The following TUBGCP5 variants were observed in gnomAD, a reference collection of about 807,000 sequenced individuals.
TUBGCP5 encodes the protein gamma-tubulin complex component 5.
In TUBGCP5, 98 loss-of-function variants were observed where a neutral mutation model predicts 134.7. The ratio of observed to expected loss-of-function variants is 0.73; its 90% CI spans 0.62 to 0.86. The LOEUF is 0.86. TUBGCP5 is among the 40% of genes least tolerant of loss of function. The pLI is 0.00. For synonymous variants in TUBGCP5, 456 were observed against 431.4 expected (o/e 1.06, Z -0.71); for missense variants, 1,150 against 1,244.8 (o/e 0.92, Z 1.15).
intron 23 of TUBGCP5, among the ~76,000 whole-genome samples, chr15:22,994,032 A>T (rs1270131955): frequency 6.6e-6 from 1 of 151,814 alleles, no homozygotes; most frequent in African/African-American, 2.4e-5. Flanking sequence ...GTGACACTAA[A>T]GGCTCTGTGA....
At chr15:23,004,061 C>A in intron 20 of TUBGCP5, 41 bp downstream of exon 20, 1 of 1,560,062 alleles carries the variant, frequency 6.4e-7, no homozygotes, top group East Asian at 2.3e-5. Flanking sequence ...CAGCGCCACT[C>A]GCCCAGCAGT....
chr15:23,006,178 A>G lies in TUBGCP5; in HGVS notation c.2413-6T>C, dbSNP rs767557035. The G allele has an allele frequency of 6.2e-7, 1 of 1,608,112 alleles. No individual in the cohort carries two copies. Among genetic ancestry groups the G allele is most frequent in the Non-Finnish European group, 8.5e-7 (1 of 1,178,864 alleles). On this transcript the variant is annotated splice_polypyrimidine_tract_variant and splice_region_variant and intron_variant, in intron 17 of 22. Coordinates refer to ENST00000615383, the MANE Select transcript of TUBGCP5 (RefSeq NM_052903.6). ...ATGTCCACGGGCCATGGGACCTATG[A>G]AACAAAAACAAAATTAGAAAGTAAC... is the stretch of plus-strand genomic sequence containing the variant.
intron 8 of TUBGCP5, among the ~76,000 whole-genome samples, chr15:23,025,674 A>T (rs2065941123): frequency 6.6e-6 from 1 of 151,976 alleles, no homozygotes; most frequent in Non-Finnish European, 1.5e-5. Context: ...CTACTAAAAA[A>T]GTAAAAATTA....
rs2140578699 is a variant in TUBGCP5, at chr15:23,024,792, A to C, written c.866T>G (p.Leu289Trp). 1 of 1,597,684 alleles carries C rather than the reference A, an allele frequency of 6.3e-7. No homozygotes were observed. The highest frequency in any genetic ancestry group is 8.6e-7 in the Non-Finnish European group (1 of 1,169,046). The change falls in exon 9 of 23, where the codon TTG (leucine) becomes TGG (tryptophan). Residue 289 changes from leucine (L) to tryptophan (W), a missense_variant. Leu to Trp is a moderately conservative substitution (Grantham distance 61). This residue lies in a region of TUBGCP5 where 453 missense variants were observed against 394.7 expected (regional missense o/e 1.15). Coordinates refer to ENST00000615383, the MANE Select transcript of TUBGCP5 (RefSeq NM_052903.6). ...SGVKKLFIFQ[L>W]IDGKVTVRNN... ...TCTCACAGTTACCTTCCCATCTATCAACTGAAATATAAAGAGCTTTTTCAC... is the reference window on the plus strand; with the variant it reads ...TCTCACAGTTACCTTCCCATCTATCCACTGAAATATAAAGAGCTTTTTCAC...
chr15:23,038,341 C>T (rs1435042275), intron 1 of TUBGCP5, among the ~76,000 whole-genome samples: 2 of 152,178 alleles, frequency 1.3e-5, no homozygotes, highest in Non-Finnish European at 2.9e-5. Context: ...ATAGTAACCT[C>T]CAACGTCTCT....
At chr15:23,015,248 G>A (rs1435316259) in intron 13 of TUBGCP5, among the ~76,000 whole-genome samples, 2 of 151,830 alleles carry the variant, frequency 1.3e-5, no homozygotes, top group East Asian at 4.0e-4. Context: ...ACCACATCTA[G>A]CTAATTTTTA....
chr15:23,008,056 C>T (rs1027140952), intron 16 of TUBGCP5, among the ~76,000 whole-genome samples: 1 of 152,100 alleles, frequency 6.6e-6, no homozygotes, highest in African/African-American at 2.4e-5. Flanking sequence ...CCTGACAGGT[C>T]GTATGGTGGC....
intron 5 of TUBGCP5, among the ~76,000 whole-genome samples, chr15:23,031,309 C>T (rs1317112495): frequency 6.6e-6 from 1 of 151,652 alleles, no homozygotes; most frequent in Non-Finnish European, 1.5e-5. Flanking sequence ...GTACTCACCC[C>T]TTTTAACTTC....
intron 20 of TUBGCP5, 93 bp from the exon 21 acceptor site, chr15:23,003,246 G>C: frequency 7.9e-7 from 1 of 1,258,502 alleles, no homozygotes; most frequent in Non-Finnish European, 1.1e-6. Context: ...CACAGAAAAA[G>C]TTCATCACCA....
In TUBGCP5 at chr15:22,985,994, T is replaced by C. The variant is rs1595767884; in HGVS notation, c.*62-2383A>G. On this transcript the variant is annotated intron_variant and NMD_transcript_variant, in intron 23 of 23. Transcript: ENST00000614508. ...CAAAAATACAAAAAAATTAGCTGGG[T>C]GTGGTGGCGAGTGCCTGTAGTCCCA... 2.7e-5 allele frequency among the ~76,000 whole-genome samples: 4 copies of C among 148,276 alleles called. No individual in the cohort carries two copies. In the South Asian group the frequency reaches 8.6e-4, roughly 32 times the overall value.
chr15:22,989,477 T>C lies in TUBGCP5; in HGVS notation c.*62-5866A>G, dbSNP rs79661575. 3.2e-3 allele frequency among the ~76,000 whole-genome samples: 157 copies of C among 49,438 alleles called. 1 individual carries two copies. The highest frequency in any genetic ancestry group is 0.011 in the Middle Eastern group (1 of 88). 32.4% of individuals were successfully genotyped at this position (49,438 alleles called of 152,430 possible). A position where few individuals can be genotyped will look rare whatever the true frequency, so the allele number is the denominator to read the frequency against. ...AAAAAGACCACCACAACCCACCCCCTGTTAACTTGGCACCCATACATATCC... is the reference window on the plus strand; with the variant it reads ...AAAAAGACCACCACAACCCACCCCCCGTTAACTTGGCACCCATACATATCC... On this transcript the variant is annotated intron_variant and NMD_transcript_variant, in intron 23 of 23. Coordinates refer to the TUBGCP5 transcript ENST00000614508.
In TUBGCP5 at chr15:22,999,853, C is replaced by T. The variant is rs1330070550; in HGVS notation, c.3042G>A (p.Ala1014=). 4.2e-5 allele frequency: 68 copies of T among 1,613,838 alleles called. No individual in the cohort carries two copies. The highest frequency in any genetic ancestry group is 5.3e-5 in the Non-Finnish European group (62 of 1,179,848). ...RGSFPHLESL[A]LSLMAGMEQS ...GTTCCATGCCAGCCATGAGTGACAA[C>T]GCTAGAGATTCCACTGTGGGAAGAA... is the stretch of plus-strand genomic sequence containing the variant. The change falls in exon 23 of 23, where the codon GCG becomes GCA. Residue 1014 remains alanine, a synonymous_variant. Coordinates refer to ENST00000615383, the MANE Select transcript of TUBGCP5 (RefSeq NM_052903.6).
At chr15:22,997,505 CTT>C (rs1253431626), downstream of TUBGCP5, among the ~76,000 whole-genome samples, 1 of 151,886 alleles carries the variant, frequency 6.6e-6, no homozygotes, top group Non-Finnish European at 1.5e-5. Flanking sequence ...TGTAAGAAAT[CTT>C]TGTCTACCCC....
intron 5 of TUBGCP5, 125 bp downstream of exon 5, chr15:23,031,825 A>T (rs2066329614): frequency 3.5e-6 from 2 of 573,996 alleles, no homozygotes. Context: ...ATAATAAATG[A>T]CTCTAGCTTA....
chr15:23,023,914 G>T, intron 10 of TUBGCP5, 33 bp downstream of exon 10: 1 of 1,604,066 alleles, frequency 6.2e-7, no homozygotes, highest in Non-Finnish European at 8.5e-7. Flanking sequence ...TGAGTTACGT[G>T]TAGTATGAGT....
At position 23,016,971 on chromosome 15, in the gene TUBGCP5, T is replaced by G. The variant is rs180849389; in HGVS notation, c.1756+802A>C. ...ATGAATGGGTAAAAAAATTGTGAGA[T>G]ATATATATATATATATGTATATATC... On this transcript the variant is annotated intron_variant, in intron 13 of 22. Transcript: ENST00000615383. Among the ~76,000 whole-genome samples the G allele has an allele frequency of 1.2e-4, 16 of 138,506 alleles. 1 individual carries two copies. Among genetic ancestry groups the G allele is most frequent in the Non-Finnish European group, 1.7e-4 (11 of 64,720 alleles). 90.9% of individuals were successfully genotyped at this position (138,506 alleles called of 152,430 possible). A position where few individuals can be genotyped will look rare whatever the true frequency, so the allele number is the denominator to read the frequency against.
At position 23,039,438 on chromosome 15, in the gene TUBGCP5, T is replaced by G. The variant is rs761115311; in HGVS notation, c.106A>C (p.Asn36His). The G allele has an allele frequency of 4.6e-6, 7 of 1,537,706 alleles. No homozygotes were observed. Among genetic ancestry groups the G allele is most frequent in the Middle Eastern group, 3.4e-4 (2 of 5,854 alleles). The change falls in exon 1 of 23, where the codon AAC (asparagine) becomes CAC (histidine). Residue 36 changes from asparagine (N) to histidine (H), a missense_variant. By Grantham distance (68) the Asn-to-His change is moderately conservative. Coordinates refer to ENST00000615383, the MANE Select transcript of TUBGCP5 (RefSeq NM_052903.6). ...VAGLQDEADP[N>H]FQLALNFAWS... ...GCGAAGTTTAGGGCGAGCTGGAAGT[T>G]GGGGTCTGCCTCGTCCTGGAGGCCG...
At position 23,003,877 on chromosome 15, in the gene TUBGCP5, T is replaced by C. The variant is rs145437886; in HGVS notation, c.2838+225A>G. The stretch of plus-strand genomic sequence containing the variant: ...TATGTTGCCCAGGGTGGTCTTGAAC[T>C]CTTGGCCTCATAAGATCTGCCTGCC... On this transcript the variant is annotated intron_variant, in intron 20 of 22. Coordinates refer to ENST00000615383, the MANE Select transcript of TUBGCP5 (RefSeq NM_052903.6). 7.6e-4 allele frequency among the ~76,000 whole-genome samples: 116 copies of C among 152,250 alleles called. 1 individual carries two copies. Among genetic ancestry groups the C allele is most frequent in the African/African-American group, 2.5e-3 (104 of 41,544 alleles).
At chr15:22,999,992 C>G in intron 22 of TUBGCP5, 126 bp from the exon 23 acceptor site, 1 of 828,862 alleles carries the variant, frequency 1.2e-6, no homozygotes, top group Non-Finnish European at 1.9e-6. Context: ...CTCACTGCAA[C>G]CTCTGCCTCC....
Sources: allele counts gnomAD v4.1 joint callset (sites outside exome capture counted in the v4.1 genomes callset), GRCh38; gene constraint gnomAD v4.1.1; regional missense constraint gnomAD v4.1.1; transcripts MANE v1.5; gene names NCBI Gene and HGNC (gene_info 2026-07-23, HGNC 2026-07-21).